SRGAP3: variants seen among roughly 807,000 people sequenced by gnomAD.
The protein encoded by SRGAP3 is SLIT-ROBO Rho GTPase activating protein 3.
In SRGAP3, 39 loss-of-function variants were observed where a neutral mutation model predicts 121.1. That is an observed-to-expected ratio of 0.32 (90% CI 0.25 to 0.42). The LOEUF (loss-of-function observed/expected upper bound fraction) is 0.42, where lower values mean the gene tolerates loss of function less well. Among genes scored for constraint, SRGAP3 ranks in the 10% least tolerant of loss-of-function variants. The pLI, the probability that SRGAP3 is intolerant of heterozygous loss-of-function variation, is 1.00. For synonymous variants in SRGAP3, 601 were observed against 570.0 expected (o/e 1.05, Z -0.77); for missense variants, 1,213 against 1,470.6 (o/e 0.82, Z 2.86).
chr3:8,999,881 A>G (rs1285564779), intron 18 of SRGAP3, among the ~76,000 whole-genome samples: 3 of 152,198 alleles, frequency 2.0e-5, no homozygotes, highest in East Asian at 1.9e-4. Flanking sequence ...ATATAAAAAG[A>G]AAAAGAAAAA....
At position 8,985,749 on chromosome 3, in the gene SRGAP3, C is replaced by T. The variant is rs1941661638; in HGVS notation, c.3070G>A (p.Ala1024Thr). The change falls in exon 22 of 22, where the codon GCC (alanine) becomes ACC (threonine). Residue 1024 changes from alanine to threonine, a missense_variant. Ala to Thr is a moderately conservative substitution (Grantham distance 58, BLOSUM62 0). This residue lies in a region of SRGAP3 where 420 missense variants were observed against 437.7 expected (regional missense o/e 0.96). Transcript: ENST00000383836. This position sits in a 1 kb window ranked among gnomAD's most constrained non-coding sequence, Gnocchi z 5.1. ...HTIVIRDPDA[A>T]MRRSSSSSTE... ...GAGGAGCTGCTGCTGCGGCGCATGG[C>T]GGCATCGGGGTCGCGGATGACGATG... 6.3e-7 allele frequency: 1 copy of T among 1,599,070 alleles called. No individual in the cohort carries two copies. Among genetic ancestry groups the T allele is most frequent in the Non-Finnish European group, 8.5e-7 (1 of 1,179,660 alleles).
At chr3:9,023,813 G>GGA (rs1944048096) in intron 14 of SRGAP3, among the ~76,000 whole-genome samples, 1 of 152,168 alleles carries the variant, frequency 6.6e-6, no homozygotes, top group Admixed American at 6.5e-5. Context: ...AGATCCTTGA[G>GGA]GAGGCTCCAG....
rs756219265 is a variant in SRGAP3 at position 9,015,681 on chromosome 3, C to T, written c.1729G>A (p.Ala577Thr). The part of the protein sequence containing the change: ...DQNERDINSV[A>T]GVLKLYFRGL... Reference sequence around the variant, plus strand: ...CGGAAATACAGTTTTAAAACACCAGCGACTGAATTGATATCTCGTTCATTT... The same window carrying T: ...CGGAAATACAGTTTTAAAACACCAGTGACTGAATTGATATCTCGTTCATTT... Residue 577 changes from alanine to threonine, a missense_variant, in exon 15 of 22, where the codon GCT becomes ACT. Coordinates refer to ENST00000383836, the MANE Select transcript of SRGAP3 (RefSeq NM_014850.4). 4.0e-5 allele frequency: 64 copies of T among 1,613,618 alleles called. No individual in the cohort carries two copies. The highest frequency in any genetic ancestry group is 4.8e-5 in the Non-Finnish European group (57 of 1,179,942).
At chr3:9,176,455 G>A (rs1951184501) in intron 1 of SRGAP3, among the ~76,000 whole-genome samples, 1 of 152,204 alleles carries the variant, frequency 6.6e-6, no homozygotes, top group Non-Finnish European at 1.5e-5. Context: ...GCACAGATTA[G>A]ACAGTGTTCC....
chr3:9,094,155 T>G (rs1947873475), intron 3 of SRGAP3, among the ~76,000 whole-genome samples: 1 of 152,230 alleles, frequency 6.6e-6, no homozygotes, highest in Non-Finnish European at 1.5e-5. Context: ...TACATTTGCA[T>G]AGCTTTATTT....
chr3:9,040,968 C>G (rs1944983003), intron 10 of SRGAP3, among the ~76,000 whole-genome samples: 1 of 152,188 alleles, frequency 6.6e-6, no homozygotes, highest in Non-Finnish European at 1.5e-5. Flanking sequence ...TGCGCTGACA[C>G]CAAGGTCTTG....
intron 10 of SRGAP3, among the ~76,000 whole-genome samples, chr3:9,038,700 A>G (rs1386839648): frequency 1.3e-5 from 2 of 152,196 alleles, no homozygotes; most frequent in Non-Finnish European, 1.5e-5. Flanking sequence ...CTCCATGTGC[A>G]TGCCTCCACG....
chr3:9,316,952 A>C (rs753375745), intron 3 of SRGAP3, among the ~76,000 whole-genome samples: 2 of 152,110 alleles, frequency 1.3e-5, no homozygotes, highest in Non-Finnish European at 2.9e-5. Flanking sequence ...CTATTATTCA[A>C]GGAAAGGGGC....
intron 1 of SRGAP3, among the ~76,000 whole-genome samples, chr3:9,150,734 G>A (rs898384040): frequency 3.9e-5 from 6 of 152,118 alleles, no homozygotes; most frequent in South Asian, 2.1e-4. Flanking sequence ...AGTATGCTCC[G>A]CCTCTATGAA....
Position 9,102,586 on chromosome 3 carries a change from G to C in SRGAP3, c.423+2094C>G, listed in dbSNP as rs949990603. Among the ~76,000 whole-genome samples, 25 of 152,242 alleles carry C rather than the reference G, an allele frequency of 1.6e-4. 1 individual carries two copies. The highest frequency in any genetic ancestry group is 1.2e-3 in the Admixed American group (19 of 15,288). On this transcript the variant is annotated intron_variant, in intron 3 of 21. Transcript: ENST00000383836. ...CTCCATTCCGAAATTAGGTGTAACT[G>C]ATGCAACACAAAGGGGCCGTGCTGT...
At chr3:9,073,386 C>T (rs1399147972) in intron 4 of SRGAP3, among the ~76,000 whole-genome samples, 1 of 152,246 alleles carries the variant, frequency 6.6e-6, no homozygotes, top group East Asian at 1.9e-4. Flanking sequence ...CTCAAGCGAT[C>T]TGCCTGACTT....
At chr3:9,275,247 G>A (rs1447842551) in intron 3 of SRGAP3, among the ~76,000 whole-genome samples, 1 of 152,066 alleles carries the variant, frequency 6.6e-6, no homozygotes, top group African/African-American at 2.4e-5. Context: ...CTCTCTGCCA[G>A]CTACTTTGTT....
chr3:9,227,180 T>G (rs1473966764), intron 1 of SRGAP3, among the ~76,000 whole-genome samples: 2 of 152,232 alleles, frequency 1.3e-5, no homozygotes, highest in African/African-American at 4.8e-5. Flanking sequence ...GATTTTTACA[T>G]GAACTCCCCT....
chr3:9,302,982 G>C (rs1397244024), intron 3 of SRGAP3, among the ~76,000 whole-genome samples: 2 of 151,998 alleles, frequency 1.3e-5, no homozygotes, highest in African/African-American at 4.8e-5. Flanking sequence ...ATAGTAAATG[G>C]TTATAAACCA....
At chr3:9,064,372 T>G in intron 5 of SRGAP3, 24 bp downstream of exon 5, 1 of 1,614,044 alleles carries the variant, frequency 6.2e-7, no homozygotes, top group Non-Finnish European at 8.5e-7. Flanking sequence ...CCCCAATCGC[T>G]CCCAGCCCAG....
At chr3:9,233,035 C>T (rs1162705) in intron 1 of SRGAP3, among the ~76,000 whole-genome samples, 62,922 of 152,094 alleles carry the variant, frequency 0.41, 13,857 homozygotes, top group Admixed American at 0.5. Context: ...GCTGTTGGTT[C>T]AGAATCACTG....
chr3:9,226,984 G>A (rs1175097570), intron 1 of SRGAP3, among the ~76,000 whole-genome samples: 1 of 152,088 alleles, frequency 6.6e-6, no homozygotes, highest in African/African-American at 2.4e-5. Flanking sequence ...CATTCCTCCA[G>A]GTCAAAAAAA....
At chr3:9,145,512 T>C (rs879398471) in intron 1 of SRGAP3, among the ~76,000 whole-genome samples, 6 of 152,230 alleles carry the variant, frequency 3.9e-5, no homozygotes, top group Non-Finnish European at 7.3e-5. Flanking sequence ...CTAGTTCATA[T>C]TGAACTCCCT....
chr3:9,030,164 T>TG (rs1944409338), intron 12 of SRGAP3, among the ~76,000 whole-genome samples: 1 of 146,026 alleles, frequency 6.8e-6, no homozygotes, highest in African/African-American at 2.7e-5. Context: ...AATGAATGAA[T>TG]GAATGAATGA....
Sources: allele counts gnomAD v4.1 joint callset (sites outside exome capture counted in the v4.1 genomes callset), GRCh38; gene constraint gnomAD v4.1.1; regional missense constraint gnomAD v4.1.1; non-coding constraint Gnocchi (gnomAD v3.1); transcripts MANE v1.5; gene names NCBI Gene and HGNC (gene_info 2026-07-23, HGNC 2026-07-21).